Variants in NHEJ1 observed in about 807,000 individuals in gnomAD.
The protein encoded by NHEJ1 is non-homologous end-joining factor 1.
A neutral mutation model predicts 39.4 loss-of-function variants in NHEJ1; 22 were observed. The ratio of observed to expected loss-of-function variants is 0.56; its 90% CI spans 0.40 to 0.80. The LOEUF (loss-of-function observed/expected upper bound fraction) is 0.80. NHEJ1 is among the 30% of genes least tolerant of loss of function. The pLI is 0.00. For missense variants in NHEJ1, 329 were observed against 357.1 expected, an observed-to-expected ratio of 0.92 and a Z score of 0.63; for synonymous variants, 154 against 135.6, an observed-to-expected ratio of 1.14 and a Z score of -0.94.
intron 5 of NHEJ1, among the ~76,000 whole-genome samples, chr2:219,137,089 G>T (rs889574928): frequency 2.6e-5 from 3 of 117,158 alleles, no homozygotes; most frequent in Non-Finnish European, 3.6e-5. Context: ...AAAAAAAAAA[G>T]AAGTGGTAAC....
At chr2:219,128,183 G>A (rs1436554006) in intron 5 of NHEJ1, among the ~76,000 whole-genome samples, 1 of 152,356 alleles carries the variant, frequency 6.6e-6, no homozygotes, top group Non-Finnish European at 1.5e-5. Flanking sequence ...GATGCGGTAA[G>A]TATAGAAATT....
In NHEJ1 at chr2:219,111,895, T is replaced by C. The variant is rs1461046054; in HGVS notation, c.589-33689A>G. Among the ~76,000 whole-genome samples, 1 of 152,164 alleles carries C rather than the reference T, an allele frequency of 6.6e-6. No individual in the cohort carries two copies. The highest frequency in any genetic ancestry group is 6.5e-5 in the Admixed American group (1 of 15,278). ...ATCATGGCAGGATGGGGCGAGGCCATGCTTTAGGGGTGGGGGGATGAATGA... is the reference window on the plus strand; with the variant it reads ...ATCATGGCAGGATGGGGCGAGGCCACGCTTTAGGGGTGGGGGGATGAATGA... On this transcript the variant is annotated intron_variant, in intron 5 of 7. Transcript: ENST00000356853. The surrounding 1 kb of genome is among the most constrained non-coding windows in gnomAD (Gnocchi z 4.1).
At chr2:219,105,756 T>C (rs1244013928) in intron 5 of NHEJ1, among the ~76,000 whole-genome samples, 1 of 152,238 alleles carries the variant, frequency 6.6e-6, no homozygotes, top group Non-Finnish European at 1.5e-5. Context: ...CCCTGATCCC[T>C]TTCTACTGCC....
At chr2:219,096,010 C>T (rs1230804228) in intron 5 of NHEJ1, among the ~76,000 whole-genome samples, 1 of 152,048 alleles carries the variant, frequency 6.6e-6, no homozygotes, top group Non-Finnish European at 1.5e-5. Context: ...TTTCCTAAAA[C>T]TCAACATCAA....
rs560331672 is a variant in NHEJ1, at chr2:219,089,046, C to A, written c.589-10840G>T. On this transcript the variant is annotated intron_variant, in intron 5 of 7. Coordinates refer to ENST00000356853, the MANE Select transcript of NHEJ1 (RefSeq NM_024782.3). ...GTGTTAGCCAGGATGGTCTCGATCT[C>A]CTGACCTCGTGATCCGCCCGCCTCA... 5.9e-5 allele frequency among the ~76,000 whole-genome samples: 9 copies of A among 152,284 alleles called. No individual in the cohort carries two copies. In the South Asian group the frequency reaches 1.7e-3, roughly 28 times the overall value.
At chr2:219,139,909 G>C (rs148657806) in intron 5 of NHEJ1, among the ~76,000 whole-genome samples, 2,931 of 152,286 alleles carry the variant, frequency 0.019, 101 homozygotes, top group African/African-American at 0.067. Flanking sequence ...TTGATTTCCT[G>C]ACCTCATGAT....
At chr2:219,077,413 ACC>A in intron 6 of NHEJ1, 49 bp from the exon 7 acceptor site, 6 of 1,352,840 alleles carry the variant, frequency 4.4e-6, no homozygotes, top group Non-Finnish European at 6.4e-6. Flanking sequence ...CCTTCTTCTT[ACC>A]AGGAAGATAT....
At chr2:219,157,442 C>G in intron 3 of NHEJ1, 30 bp downstream of exon 3, 1 of 1,590,998 alleles carries the variant, frequency 6.3e-7, no homozygotes, top group Non-Finnish European at 8.6e-7. Context: ...TGGCATCCCT[C>G]CCCCAACCCC....
intron 5 of NHEJ1, among the ~76,000 whole-genome samples, chr2:219,100,959 C>G (rs1435659713): frequency 6.6e-6 from 1 of 152,186 alleles, no homozygotes; most frequent in South Asian, 2.1e-4. Flanking sequence ...CCAATCCCCC[C>G]CTCAGAGGAA....
intron 5 of NHEJ1, among the ~76,000 whole-genome samples, chr2:219,079,588 C>T (rs1479187670): frequency 1.3e-5 from 2 of 152,192 alleles, no homozygotes; most frequent in African/African-American, 2.4e-5. Context: ...AAACCACAGG[C>T]AATGAATCAG....
intron 5 of NHEJ1, among the ~76,000 whole-genome samples, chr2:219,085,002 T>C (rs1310730304): frequency 6.6e-6 from 1 of 152,218 alleles, no homozygotes; most frequent in Non-Finnish European, 1.5e-5. Flanking sequence ...CACCACCATT[T>C]CCTGCTTCCT....
At chr2:219,082,479 C>T (rs1287825548) in intron 5 of NHEJ1, among the ~76,000 whole-genome samples, 3 of 152,168 alleles carry the variant, frequency 2.0e-5, no homozygotes, top group African/African-American at 4.8e-5. Context: ...ACTACAAATA[C>T]GTAATCTGCC....
intron 5 of NHEJ1, among the ~76,000 whole-genome samples, chr2:219,110,033 T>A (rs1002721436): frequency 3.0e-4 from 46 of 152,182 alleles, no homozygotes; most frequent in Admixed American, 3.0e-3. Context: ...TGAAGAATCA[T>A]GAGCTTAAAG....
At chr2:219,143,736 T>G (rs1559201330) in intron 5 of NHEJ1, among the ~76,000 whole-genome samples, 1 of 152,222 alleles carries the variant, frequency 6.6e-6, no homozygotes, top group Non-Finnish European at 1.5e-5. Context: ...ACTGATACTC[T>G]TCCTGTGCTG....
At chr2:219,095,424 A>C (rs1949199183) in intron 5 of NHEJ1, 5 of 457,676 alleles carry the variant, frequency 1.1e-5, no homozygotes, top group Non-Finnish European at 2.3e-5. Context: ...TCAAGTTCTT[A>C]GCATGTGTTT....
rs796309908 is a variant in NHEJ1, at chr2:219,153,692, A to AGGC, written c.390+3779_390+3780insGCC. ...TCATCTCAAAAGAAAAAGAAAGAAA[A>AGGC]GGGGGGGGGGGTGGAGAGAGAGAGA... On this transcript the variant is annotated intron_variant, in intron 3 of 7. Transcript: ENST00000356853. 6.8e-3 allele frequency among the ~76,000 whole-genome samples: 540 copies of AGGC among 79,430 alleles called. 16 individuals are homozygous for AGGC. The highest frequency in any genetic ancestry group is 0.055 in the East Asian group (127 of 2,320). 52.1% of individuals were successfully genotyped at this position (79,430 alleles called of 152,430 possible). A position where few individuals can be genotyped will look rare whatever the true frequency, so the allele number is the denominator to read the frequency against.
intron 5 of NHEJ1, among the ~76,000 whole-genome samples, chr2:219,139,567 T>C (rs1949670302): frequency 2.6e-5 from 4 of 152,194 alleles, no homozygotes; most frequent in South Asian, 4.1e-4. Flanking sequence ...GACTGCAACA[T>C]CATGAGAGAC....
chr2:219,086,845 AC>A (rs1949116042), intron 5 of NHEJ1, among the ~76,000 whole-genome samples: 1 of 152,144 alleles, frequency 6.6e-6, no homozygotes, highest in Non-Finnish European at 1.5e-5. Flanking sequence ...AGCAAATGGT[AC>A]AGACTGAGCT....
chr2:219,107,196 C>A (rs1006457653), intron 5 of NHEJ1, among the ~76,000 whole-genome samples: 1 of 152,166 alleles, frequency 6.6e-6, no homozygotes, highest in Non-Finnish European at 1.5e-5. Flanking sequence ...TATATAACTG[C>A]TAATGATCTG....
Sources: gnomAD v4.1 joint callset for allele counts (sites outside exome capture counted in the v4.1 genomes callset) on GRCh38, gnomAD v4.1.1 for gene constraint, Gnocchi (gnomAD v3.1) non-coding constraint, MANE v1.5 for transcripts, NCBI Gene and HGNC (gene_info 2026-07-23, HGNC 2026-07-21) for gene names.